Variants in MARCHF2 observed in about 807,000 individuals in gnomAD.
MARCHF2 encodes membrane associated ring-CH-type finger 2.
Under a neutral mutation model 24.0 loss-of-function variants are expected in MARCHF2, and 22 were observed. The observed-to-expected ratio is 0.92, with a 90% CI of 0.66 to 1.31. The LOEUF (loss-of-function observed/expected upper bound fraction) is 1.31. Ranked by LOEUF, MARCHF2 falls within the 50% of genes most tolerant of loss-of-function variation. The pLI is 0.00. For missense variants in MARCHF2, 301 were observed against 335.3 expected (o/e 0.90, Z 0.80); for synonymous variants, 154 against 153.0 (o/e 1.01, Z -0.05).
chr19:8,429,478 A>AATT (rs1460004320), intron 3 of MARCHF2, among the ~76,000 whole-genome samples: 23 of 107,026 alleles, frequency 2.1e-4, no homozygotes, highest in East Asian at 5.9e-4. Flanking sequence ...AAATGAAAGA[A>AATT]CTTATTATTA....
chr19:8,437,636 C>G (rs1017812359), intron 4 of MARCHF2, among the ~76,000 whole-genome samples: 3 of 152,000 alleles, frequency 2.0e-5, no homozygotes, highest in African/African-American at 7.2e-5. Context: ...CAGGCGTGAG[C>G]CACCACGCCT....
In MARCHF2 at chr19:8,426,808, C is replaced by A. The variant is rs1375023915; in HGVS notation, c.372+4C>A. Reference sequence around the variant, plus strand: ...ACGGCCTCGACCCCTCACAGAGGTACCCTTAAGAGTCTGAGACTGCGGTGG... The same window carrying A: ...ACGGCCTCGACCCCTCACAGAGGTAACCTTAAGAGTCTGAGACTGCGGTGG... On this transcript the variant is annotated splice_donor_region_variant and intron_variant, in intron 3 of 4. Coordinates refer to ENST00000215555, the MANE Select transcript of MARCHF2 (RefSeq NM_001005415.2). The A allele has an allele frequency of 6.2e-7, 1 of 1,611,382 alleles. No individual in the cohort carries two copies. Among genetic ancestry groups the A allele is most frequent in the Middle Eastern group, 2.2e-4 (1 of 4,448 alleles).
In MARCHF2 at chr19:8,437,347, CTA is replaced by C. The variant is rs750751997; in HGVS notation, c.583-1039_583-1038del. On this transcript the variant is annotated intron_variant, in intron 4 of 4. Transcript: ENST00000215555. ...CACCACTGTTTATTTATTCATTCAC[CTA>C]TTTTTTTTTTTTTTTTTTTTGAGAC... 5.4e-3 allele frequency among the ~76,000 whole-genome samples: 614 copies of C among 113,992 alleles called. 73 individuals are homozygous for C. Among genetic ancestry groups the C allele is most frequent in the Admixed American group, 0.021 (150 of 7,152 alleles). 74.8% of individuals were successfully genotyped at this position (113,992 alleles called of 152,430 possible).
rs370862443 is a variant in MARCHF2 at position 8,438,729 on chromosome 19, G to GTT, written c.*201_*202dup. ...GATCCTGTGTGAAGATATTTTCAGG[G>GTT]TTTTTTTTTTTTTTTTTTTGCATAT... is the stretch of plus-strand genomic sequence containing the variant. On this transcript the variant is annotated 3_prime_UTR_variant, in exon 5 of 5. Transcript: ENST00000215555. The GTT allele has an allele frequency of 3.4e-3, 1,260 of 374,500 alleles. No homozygotes were observed. The highest frequency in any genetic ancestry group is 6.8e-3 in the South Asian group (199 of 29,322). 23.2% of individuals were successfully genotyped at this position (374,500 alleles called of 1,614,324 possible).
At chr19:8,416,895 A>T (rs1967099804) in intron 1 of MARCHF2, among the ~76,000 whole-genome samples, 1 of 152,168 alleles carries the variant, frequency 6.6e-6, no homozygotes, top group Non-Finnish European at 1.5e-5. Context: ...AGGCTTCTCC[A>T]GGAAGGTGAC....
At chr19:8,428,649 CAAAAAAAAAAAAAAAAAA>C (rs59542078) in intron 3 of MARCHF2, among the ~76,000 whole-genome samples, 10 of 30,620 alleles carry the variant, frequency 3.3e-4, no homozygotes, top group African/African-American at 9.2e-4. Flanking sequence ...GACTCTATCT[CAAAAAAAAAAAAAAAAAA>C]AAAAAAAAAA....
At chr19:8,424,591 T>C (rs1403718088) in intron 2 of MARCHF2, among the ~76,000 whole-genome samples, 1 of 151,398 alleles carries the variant, frequency 6.6e-6, no homozygotes, top group African/African-American at 2.4e-5. Flanking sequence ...GGCATGAACC[T>C]GGGAGGTCGA....
intron 2 of MARCHF2, among the ~76,000 whole-genome samples, chr19:8,422,507 C>T (rs1307195076): frequency 6.6e-6 from 1 of 151,774 alleles, no homozygotes; most frequent in East Asian, 1.9e-4. Flanking sequence ...ATTTTCCTGC[C>T]TTAGCCACCC....
chr19:8,431,541 A>C (rs1055833020), intron 4 of MARCHF2, among the ~76,000 whole-genome samples: 3 of 148,400 alleles, frequency 2.0e-5, no homozygotes, highest in African/African-American at 7.4e-5. Flanking sequence ...AAAAGAAAGA[A>C]ATTGAAAGGG....
intron 1 of MARCHF2, among the ~76,000 whole-genome samples, chr19:8,415,206 G>A (rs557578504): frequency 2.6e-5 from 4 of 151,896 alleles, no homozygotes; most frequent in African/African-American, 9.7e-5. Context: ...GGACCAGCCT[G>A]GGCAACTTGG....
At position 8,438,491 on chromosome 19, in the gene MARCHF2, A is replaced by G; in HGVS notation, c.686A>G (p.His229Arg). 6.2e-7 allele frequency: 1 copy of G among 1,614,154 alleles called. No homozygotes were observed. Among genetic ancestry groups the G allele is most frequent in the Non-Finnish European group, 8.5e-7 (1 of 1,180,042 alleles). Residue 229 changes from histidine to arginine, a missense_variant, in exon 5 of 5, where the codon CAT becomes CGT. Physicochemically the swap from His to Arg is conservative, Grantham distance 29 (BLOSUM62 0). Transcript: ENST00000215555. ...READSPEGPQHSPLAAGLLKK... is the reference protein window; with the variant it reads ...READSPEGPQRSPLAAGLLKK... ...GCGGACAGCCCCGAGGGCCCCCAGC[A>G]TTCTCCACTGGCAGCTGGACTCCTG...
intron 4 of MARCHF2, among the ~76,000 whole-genome samples, chr19:8,434,517 C>T (rs1568241772): frequency 6.6e-6 from 1 of 151,244 alleles, no homozygotes; most frequent in Non-Finnish European, 1.5e-5. Context: ...ACCCAGCAGA[C>T]ATTCATTGTA....
At chr19:8,422,050 G>T in intron 2 of MARCHF2, 34 bp downstream of exon 2, 2 of 1,572,942 alleles carry the variant, frequency 1.3e-6, no homozygotes, top group Non-Finnish European at 1.7e-6. Flanking sequence ...CCTGGCCTTT[G>T]TTGCCTCTTC....
At chr19:8,418,766 G>C (rs1227929835) in intron 1 of MARCHF2, 1 of 151,490 alleles carries the variant, frequency 6.6e-6, no homozygotes, top group Non-Finnish European at 1.5e-5. Context: ...CTGGCCTCAA[G>C]TGATCCTCCT....
chr19:8,435,024 T>A (rs1053789910), intron 4 of MARCHF2, among the ~76,000 whole-genome samples: 1 of 150,046 alleles, frequency 6.7e-6, no homozygotes, highest in South Asian at 2.2e-4. Flanking sequence ...TTTTTAATTT[T>A]TTTTTTTTTT....
Position 8,430,866 on chromosome 19 carries a change from T to C in MARCHF2, c.581T>C (p.Leu194Pro). ...ALFTIYVLWT[L>P]VSFRYHCQLY... ...TTCACCATCTATGTCCTCTGGACGC[T>C]GGTGAGTGGCTGTGGTTGTGCAGCA... The change falls in exon 4 of 5, where the codon CTG becomes CCG. Residue 194 changes from leucine to proline, a missense_variant and splice_region_variant. By Grantham distance (98) the Leu-to-Pro change is moderately conservative. Transcript: ENST00000215555. The surrounding 1 kb of genome is among the most constrained non-coding windows in gnomAD (Gnocchi z 4.4). 2 of 1,593,108 alleles carry C rather than the reference T, an allele frequency of 1.3e-6. No homozygotes were observed. The highest frequency in any genetic ancestry group is 3.5e-5 in the Admixed American group (2 of 57,116).
At chr19:8,423,162 C>T (rs111498291) in intron 2 of MARCHF2, among the ~76,000 whole-genome samples, 6 of 149,694 alleles carry the variant, frequency 4.0e-5, no homozygotes, top group Non-Finnish European at 8.9e-5. Flanking sequence ...TGGGTTCAAG[C>T]GATTCTCCTG....
chr19:8,429,800 G>C (rs1489517742), intron 3 of MARCHF2, among the ~76,000 whole-genome samples: 3 of 108,980 alleles, frequency 2.8e-5, no homozygotes, highest in Non-Finnish European at 5.3e-5. Flanking sequence ...CACCACACCA[G>C]GGCTTTTTTT....
chr19:8,424,495 G>C (rs1029084210), intron 2 of MARCHF2, among the ~76,000 whole-genome samples: 10 of 151,886 alleles, frequency 6.6e-5, no homozygotes, highest in African/African-American at 2.4e-4. Context: ...GTGAAACCCC[G>C]TCTCTACAAA....
Sources: allele counts gnomAD v4.1 joint callset (sites outside exome capture counted in the v4.1 genomes callset), GRCh38; gene constraint gnomAD v4.1.1; non-coding constraint Gnocchi (gnomAD v3.1); transcripts MANE v1.5; gene names NCBI Gene and HGNC (gene_info 2026-07-23, HGNC 2026-07-21).